Variants in NEGR1 observed in about 807,000 individuals in gnomAD.
NEGR1 encodes IgLON family member 4.
Under a neutral mutation model 40.9 loss-of-function variants are expected in NEGR1, and 10 were observed. The ratio of observed to expected loss-of-function variants is 0.24; its 90% CI spans 0.15 to 0.42. NEGR1 has a LOEUF of 0.42. NEGR1 is among the 10% of genes least tolerant of loss of function. NEGR1 has a pLI of 1.00. For synonymous variants in NEGR1, 185 were observed against 166.8 expected, an observed-to-expected ratio of 1.11 and a Z score of -0.84; for missense variants, 352 against 438.9, an observed-to-expected ratio of 0.80 and a Z score of 1.77.
intron 4 of NEGR1, among the ~76,000 whole-genome samples, chr1:71,621,462 C>A (rs1650606483): frequency 6.6e-6 from 1 of 151,590 alleles, no homozygotes; most frequent in South Asian, 2.1e-4. Flanking sequence ...AGGTCATTTT[C>A]TTTTTCACAA....
intron 1 of NEGR1, among the ~76,000 whole-genome samples, chr1:72,060,258 A>C (rs1214346552): frequency 1.3e-5 from 2 of 151,682 alleles, no homozygotes; most frequent in Admixed American, 1.3e-4. Flanking sequence ...ATACACTGAG[A>C]TCTAGATACA....
intron 1 of NEGR1, among the ~76,000 whole-genome samples, chr1:72,001,438 G>T (rs1451332845): frequency 6.6e-6 from 1 of 151,564 alleles, no homozygotes; most frequent in African/African-American, 2.4e-5. Context: ...AATCAGATCT[G>T]CATTTTAATA....
chr1:71,579,925 A>G (rs1179167543), intron 6 of NEGR1, among the ~76,000 whole-genome samples: 1 of 152,220 alleles, frequency 6.6e-6, no homozygotes, highest in Non-Finnish European at 1.5e-5. Context: ...GTGGGAATGA[A>G]GCATAGTAAG....
At chr1:71,953,627 C>T (rs1292636574) in intron 1 of NEGR1, among the ~76,000 whole-genome samples, 1 of 151,954 alleles carries the variant, frequency 6.6e-6, no homozygotes, top group African/African-American at 2.4e-5. Flanking sequence ...ATAAGGAAAT[C>T]TTTCATGTCA....
intron 1 of NEGR1, among the ~76,000 whole-genome samples, chr1:72,025,882 C>T (rs186229118): frequency 6.6e-6 from 1 of 151,688 alleles, no homozygotes; most frequent in Non-Finnish European, 1.5e-5. Context: ...GAGGCCGAGG[C>T]GGGCGGATCA....
At chr1:72,244,932 T>C (rs1033930142) in intron 1 of NEGR1, among the ~76,000 whole-genome samples, 3 of 151,966 alleles carry the variant, frequency 2.0e-5, no homozygotes, top group Admixed American at 6.6e-5. Flanking sequence ...TTCTGTATAA[T>C]GTTTGGGGCC....
intron 3 of NEGR1, among the ~76,000 whole-genome samples, chr1:71,699,412 C>A (rs556741930): frequency 2.0e-5 from 3 of 151,878 alleles, no homozygotes; most frequent in African/African-American, 7.2e-5. Context: ...AGTCGTATTT[C>A]CATTTATCTA....
At chr1:72,226,656 A>G (rs1187712684) in intron 1 of NEGR1, among the ~76,000 whole-genome samples, 2 of 152,034 alleles carry the variant, frequency 1.3e-5, no homozygotes, top group African/African-American at 4.8e-5. Context: ...AGAAGTAAAT[A>G]TTTACCAGTA....
At chr1:71,618,668 T>C (rs1650518718) in intron 4 of NEGR1, among the ~76,000 whole-genome samples, 1 of 152,068 alleles carries the variant, frequency 6.6e-6, no homozygotes, top group Non-Finnish European at 1.5e-5. Flanking sequence ...ATAATAATAA[T>C]AGAAATAAAG....
intron 1 of NEGR1, among the ~76,000 whole-genome samples, chr1:72,207,257 G>GA (rs1653442212): frequency 6.6e-6 from 1 of 151,724 alleles, no homozygotes; most frequent in African/African-American, 2.4e-5. Flanking sequence ...ATCAGATAAG[G>GA]AAAATCTTAT....
chr1:71,588,110 C>T (rs2101514658), intron 6 of NEGR1, among the ~76,000 whole-genome samples: 1 of 152,182 alleles, frequency 6.6e-6, no homozygotes, highest in South Asian at 2.1e-4. Flanking sequence ...TTACTGAATT[C>T]CCACTAAAGT....
At chr1:71,771,253 G>A (rs1435324800) in intron 3 of NEGR1, among the ~76,000 whole-genome samples, 1 of 152,070 alleles carries the variant, frequency 6.6e-6, no homozygotes, top group Non-Finnish European at 1.5e-5. Context: ...TGAACAACGA[G>A]AACATGGACA....
At chr1:71,918,447 G>A (rs1557433218) in intron 2 of NEGR1, among the ~76,000 whole-genome samples, 2 of 151,832 alleles carry the variant, frequency 1.3e-5, no homozygotes, top group South Asian at 2.1e-4. Context: ...AGATGGATGA[G>A]CCTTCAATGG....
At chr1:72,184,717 A>G (rs955998374) in intron 1 of NEGR1, among the ~76,000 whole-genome samples, 1 of 152,042 alleles carries the variant, frequency 6.6e-6, no homozygotes, top group African/African-American at 2.4e-5. Context: ...CTTATGAACC[A>G]TCCGGTCATA....
At chr1:71,658,974 T>C (rs1384757309) in intron 4 of NEGR1, among the ~76,000 whole-genome samples, 1 of 152,208 alleles carries the variant, frequency 6.6e-6, no homozygotes, top group Non-Finnish European at 1.5e-5. Flanking sequence ...ACTGTTTAGA[T>C]TATTAAATCT....
intron 1 of NEGR1, among the ~76,000 whole-genome samples, chr1:72,135,375 C>CAAAAAAAA (rs71074819): frequency 1.4e-5 from 1 of 71,382 alleles, no homozygotes; most frequent in Non-Finnish European, 2.6e-5. Flanking sequence ...GACTCCGTCT[C>CAAAAAAAA]AAAAAAAAAA....
intron 2 of NEGR1, among the ~76,000 whole-genome samples, chr1:71,822,475 G>C (rs1000270557): frequency 6.6e-6 from 1 of 151,934 alleles, no homozygotes; most frequent in Non-Finnish European, 1.5e-5. Context: ...TGTCAAATAT[G>C]AATACTACAC....
chr1:71,998,080 G>A lies in NEGR1; in HGVS notation c.177-62769C>T, dbSNP rs756270849. Reference sequence around the variant, plus strand: ...ATTCCCAGGAGTTGTAATTGTGGTTGGTAAGGCTAAGAGGCTCTACGTAAA... The same window carrying A: ...ATTCCCAGGAGTTGTAATTGTGGTTAGTAAGGCTAAGAGGCTCTACGTAAA... On this transcript the variant is annotated intron_variant, in intron 1 of 6. Transcript: ENST00000357731. Among the ~76,000 whole-genome samples, 3 of 151,864 alleles carry A rather than the reference G, an allele frequency of 2.0e-5. 1 individual carries two copies. Among genetic ancestry groups the A allele is most frequent in the Admixed American group, 2.0e-4 (3 of 15,248 alleles).
At chr1:72,100,107 T>A (rs929642631) in intron 1 of NEGR1, among the ~76,000 whole-genome samples, 1 of 152,146 alleles carries the variant, frequency 6.6e-6, no homozygotes, top group Non-Finnish European at 1.5e-5. Context: ...CTTTTTAAAA[T>A]GCACTTGTAA....
Sources: gnomAD v4.1 joint callset for allele counts (sites outside exome capture counted in the v4.1 genomes callset) on GRCh38, gnomAD v4.1.1 for gene constraint, MANE v1.5 for transcripts, NCBI Gene and HGNC (gene_info 2026-07-23, HGNC 2026-07-21) for gene names.